SLC10A4: variants seen among roughly 807,000 people sequenced by gnomAD.
SLC10A4 encodes putative sodium/bile acid cotransporter 4.
In SLC10A4, 17 loss-of-function variants were observed where a neutral mutation model predicts 22.5. The observed-to-expected ratio is 0.76, with a 90% CI of 0.52 to 1.14. The LOEUF is 1.14. Among genes scored for constraint, SLC10A4 ranks in the 50% most tolerant of loss-of-function variants. The pLI is 0.00. For synonymous variants in SLC10A4, 257 were observed against 258.2 expected (o/e 1.00, Z 0.04); for missense variants, 548 against 584.0 (o/e 0.94, Z 0.64).
At chr4:48,484,499 A>G (rs1408883069) in intron 1 of SLC10A4, among the ~76,000 whole-genome samples, 1 of 152,112 alleles carries the variant, frequency 6.6e-6, no homozygotes, top group East Asian at 1.9e-4. Flanking sequence ...CTGAACTAGA[A>G]CTCGCCGGCA....
Position 48,483,925 on chromosome 4 carries a change from T to A in SLC10A4, c.364T>A (p.Cys122Ser), listed in dbSNP as rs988517423. Reference sequence around the variant, plus strand: ...GTGCATCACCATGCTGGGCCTGGGCTGCACGGTGGACGTGAACCACTTCGG... The same window carrying A: ...GTGCATCACCATGCTGGGCCTGGGCAGCACGGTGGACGTGAACCACTTCGG... ...ALCITMLGLGCTVDVNHFGAH... is the reference protein window; with the variant it reads ...ALCITMLGLGSTVDVNHFGAH... Residue 122 changes from cysteine (C) to serine (S), a missense_variant, in exon 1 of 3, where the codon TGC becomes AGC. Cys to Ser is a moderately radical substitution (Grantham distance 112). Coordinates refer to ENST00000273861, the MANE Select transcript of SLC10A4 (RefSeq NM_152679.4). The surrounding 1 kb of genome is among the most constrained non-coding windows in gnomAD (Gnocchi z 5.4). 6.5e-6 allele frequency: 10 copies of A among 1,543,382 alleles called. No homozygotes were observed. Among genetic ancestry groups the A allele is most frequent in the African/African-American group, 1.4e-5 (1 of 73,208 alleles).
At chr4:48,485,249 T>C in intron 2 of SLC10A4, 107 bp downstream of exon 2, 1 of 1,129,104 alleles carries the variant, frequency 8.9e-7, no homozygotes, top group Non-Finnish European at 1.3e-6. Context: ...AGAAAAGGAC[T>C]TGGAAGTAGT....
At position 48,488,853 on chromosome 4, in the gene SLC10A4, AAAG is replaced by A. The variant is rs1718336346; in HGVS notation, c.1233_1235del (p.Glu413del). On this transcript the variant is annotated inframe_deletion, in exon 3 of 3. Transcript: ENST00000273861. ...TACAGATATTTCTTATAAAAAACTA[AAAG>A]AAGAGGAAATGGCAGACACTTCCTA... The A allele has an allele frequency of 1.2e-6, 2 of 1,613,776 alleles. No individual in the cohort carries two copies. Among genetic ancestry groups the A allele is most frequent in the African/African-American group, 1.3e-5 (1 of 75,020 alleles).
chr4:48,485,390 T>A (rs1350354076), intron 2 of SLC10A4, among the ~76,000 whole-genome samples: 4 of 152,214 alleles, frequency 2.6e-5, no homozygotes, highest in Non-Finnish European at 5.9e-5. Context: ...TCAGTACTCA[T>A]TGGAAGGAAA....
Position 48,488,992 on chromosome 4 carries a change from T to C in SLC10A4, c.*53T>C. 4.0e-6 allele frequency: 6 copies of C among 1,513,778 alleles called. No individual in the cohort carries two copies. Among genetic ancestry groups the C allele is most frequent in the Non-Finnish European group, 5.3e-6 (6 of 1,131,582 alleles). The allele number at this position is 1,513,778 out of a possible 1,614,324, so 93.8% of individuals were successfully genotyped here. On this transcript the variant is annotated 3_prime_UTR_variant, in exon 3 of 3. Coordinates refer to ENST00000273861, the MANE Select transcript of SLC10A4 (RefSeq NM_152679.4). ...TTGCTGAAATATTGCTTCATATTTA[T>C]AGCCTGTGGTAGTGCACATGGTTAA... is the stretch of plus-strand genomic sequence containing the variant.
Position 48,484,046 on chromosome 4 carries a change from A to C in SLC10A4, c.485A>C (p.Lys162Thr). The change falls in exon 1 of 3, where the codon AAG becomes ACG. Residue 162 changes from lysine (K) to threonine (T), a missense_variant. By Grantham distance (78) the Lys-to-Thr change is moderately conservative (BLOSUM62 -1). This residue lies in a region of SLC10A4 where 314 missense variants were observed against 353.2 expected (regional missense o/e 0.89). Transcript: ENST00000273861. ...GCCTTCCTGCTGGCCCTCGCCTTCA[A>C]GCTGGACGAGGTGGCCGCCGTGGCG... The part of the protein sequence containing the change: ...LLAFLLALAF[K>T]LDEVAAVAVL... 6.2e-7 allele frequency: 1 copy of C among 1,601,988 alleles called. No homozygotes were observed. The highest frequency in any genetic ancestry group is 8.5e-7 in the Non-Finnish European group (1 of 1,177,982).
rs1344830730 is a variant in SLC10A4, at chr4:48,483,471, G to C, written c.-91G>C. The stretch of plus-strand genomic sequence containing the variant: ...GCGCAGCCGGGGCTCGGAGACCGAC[G>C]GGCAGAACGACGGGCGGCGACTGCG... On this transcript the variant is annotated 5_prime_UTR_variant, in exon 1 of 3. Coordinates refer to ENST00000273861, the MANE Select transcript of SLC10A4 (RefSeq NM_152679.4). The surrounding 1 kb of genome is among the most constrained non-coding windows in gnomAD (Gnocchi z 5.4). The C allele has an allele frequency of 1.8e-6, 2 of 1,100,210 alleles. No homozygotes were observed. The highest frequency in any genetic ancestry group is 1.2e-6 in the Non-Finnish European group (1 of 817,636). The allele number at this position is 1,100,210 out of a possible 1,614,324, so 68.2% of individuals were successfully genotyped here.
At chr4:48,486,493 T>C (rs1417850343) in intron 2 of SLC10A4, among the ~76,000 whole-genome samples, 1 of 149,490 alleles carries the variant, frequency 6.7e-6, no homozygotes, top group Admixed American at 6.7e-5. Context: ...ACAAGAAATA[T>C]ATTTAAAATA....
chr4:48,484,036 C>A lies in SLC10A4; in HGVS notation c.475C>A (p.Leu159Ile). The part of the protein sequence containing the change: ...LLPLLAFLLA[L>I]AFKLDEVAAV... ...GCCGCTGCTGGCCTTCCTGCTGGCC[C>A]TCGCCTTCAAGCTGGACGAGGTGGC... Residue 159 changes from leucine to isoleucine, a missense_variant, in exon 1 of 3, where the codon CTC becomes ATC. This residue lies in a region of SLC10A4 where 314 missense variants were observed against 353.2 expected (regional missense o/e 0.89). Coordinates refer to ENST00000273861, the MANE Select transcript of SLC10A4 (RefSeq NM_152679.4). The A allele has an allele frequency of 6.3e-7, 1 of 1,599,884 alleles. No homozygotes were observed. Among genetic ancestry groups the A allele is most frequent in the Non-Finnish European group, 8.5e-7 (1 of 1,177,310 alleles).
chr4:48,484,788 C>G, intron 1 of SLC10A4, 144 bp from the exon 2 acceptor site: 2 of 715,672 alleles, frequency 2.8e-6, no homozygotes, highest in Non-Finnish European at 4.8e-6. Flanking sequence ...TCTTGGCACT[C>G]TCCTCGGATG....
intron 2 of SLC10A4, among the ~76,000 whole-genome samples, chr4:48,485,866 A>T (rs933773692): frequency 8.5e-5 from 13 of 152,178 alleles, no homozygotes; most frequent in South Asian, 2.1e-4. Flanking sequence ...TTGATTTTTT[A>T]AAAAATGAAT....
Position 48,483,816 on chromosome 4 carries a change from C to T in SLC10A4, c.255C>T (p.Phe85=). 6.6e-7 allele frequency: 1 copy of T among 1,526,198 alleles called. No individual in the cohort carries two copies. Among genetic ancestry groups the T allele is most frequent in the Non-Finnish European group, 8.8e-7 (1 of 1,141,432 alleles). The allele number at this position is 1,526,198 out of a possible 1,614,324, so 94.5% of individuals were successfully genotyped here. ...CGGCGAGCCACGGCCCTTCCCCGTT[C>T]CCTCGGCCCTGGGCGCCCCACGCGC... ...GGAASHGPSP[F]PRPWAPHALP... is the part of the protein sequence containing the mutation. Residue 85 remains phenylalanine, a synonymous_variant, in exon 1 of 3, where the codon TTC becomes TTT. Transcript: ENST00000273861. The surrounding 1 kb of genome is among the most constrained non-coding windows in gnomAD (Gnocchi z 5.4).
In SLC10A4 at chr4:48,484,002, C is replaced by A. The variant is rs1490294489; in HGVS notation, c.441C>A (p.Phe147Leu). ...CGCTGCTGGCAGCGCTCTGCCAGTT[C>A]GGCCTCCTGCCGCTGCTGGCCTTCC... Reference protein sequence around the residue: ...VGALLAALCQFGLLPLLAFLL... With the variant: ...VGALLAALCQLGLLPLLAFLL... The change falls in exon 1 of 3, where the codon TTC becomes TTA. Residue 147 changes from phenylalanine (F) to leucine (L), a missense_variant. Coordinates refer to ENST00000273861, the MANE Select transcript of SLC10A4 (RefSeq NM_152679.4). 6.3e-7 allele frequency: 1 copy of A among 1,578,762 alleles called. No individual in the cohort carries two copies. Among genetic ancestry groups the A allele is most frequent in the African/African-American group, 1.3e-5 (1 of 74,736 alleles).
intron 2 of SLC10A4, among the ~76,000 whole-genome samples, chr4:48,487,129 T>C (rs1292319146): frequency 6.6e-6 from 1 of 152,226 alleles, no homozygotes; most frequent in Non-Finnish European, 1.5e-5. Context: ...CAGACTGTTT[T>C]ATTTGAATGA....
chr4:48,483,466 C>A lies in SLC10A4; in HGVS notation c.-96C>A, dbSNP rs2148671644. The A allele has an allele frequency of 9.4e-7, 1 of 1,065,426 alleles. No individual in the cohort carries two copies. The highest frequency in any genetic ancestry group is 1.3e-6 in the Non-Finnish European group (1 of 790,052). The allele number at this position is 1,065,426 out of a possible 1,614,324, so 66.0% of individuals were successfully genotyped here. A position where few individuals can be genotyped will look rare whatever the true frequency, so the allele number is the denominator to read the frequency against. Reference sequence around the variant, plus strand: ...GCGGCGCGCAGCCGGGGCTCGGAGACCGACGGGCAGAACGACGGGCGGCGA... The same window carrying A: ...GCGGCGCGCAGCCGGGGCTCGGAGAACGACGGGCAGAACGACGGGCGGCGA... On this transcript the variant is annotated 5_prime_UTR_variant, in exon 1 of 3. Coordinates refer to ENST00000273861, the MANE Select transcript of SLC10A4 (RefSeq NM_152679.4). The surrounding 1 kb of genome is among the most constrained non-coding windows in gnomAD (Gnocchi z 5.4).
chr4:48,485,105 G>C lies in SLC10A4; in HGVS notation c.764G>C (p.Arg255Pro), dbSNP rs767422159. The C allele has an allele frequency of 6.2e-7, 1 of 1,614,068 alleles. No homozygotes were observed. Residue 255 changes from arginine (R) to proline (P), a missense_variant, in exon 2 of 3, where the codon CGC becomes CCC. Physicochemically the swap from Arg to Pro is moderately radical, Grantham distance 103. This residue lies in a region of SLC10A4 where 314 missense variants were observed against 353.2 expected (regional missense o/e 0.89). Coordinates refer to ENST00000273861, the MANE Select transcript of SLC10A4 (RefSeq NM_152679.4). ...LIPIGLGVFI[R>P]YKYSRVADYI... ...CCTATCGGGTTGGGCGTCTTCATTC[G>C]CTACAAATACAGCCGGGTGGCTGAC...
At position 48,483,832 on chromosome 4, in the gene SLC10A4, C is replaced by G; in HGVS notation, c.271C>G (p.Pro91Ala). 1.3e-6 allele frequency: 2 copies of G among 1,534,674 alleles called. No homozygotes were observed. Among genetic ancestry groups the G allele is most frequent in the Non-Finnish European group, 1.7e-6 (2 of 1,143,930 alleles). The change falls in exon 1 of 3, where the codon CCC becomes GCC. Residue 91 changes from proline to alanine, a missense_variant. This residue lies in a region of SLC10A4 where 225 missense variants were observed against 206.9 expected (regional missense o/e 1.09). Coordinates refer to ENST00000273861, the MANE Select transcript of SLC10A4 (RefSeq NM_152679.4). This position sits in a 1 kb window ranked among gnomAD's most constrained non-coding sequence, Gnocchi z 5.4. ...GPSPFPRPWA[P>A]HALPFWDTPL... ...TTCCCCGTTCCCTCGGCCCTGGGCG[C>G]CCCACGCGCTCCCGTTCTGGGACAC...
In SLC10A4 at chr4:48,484,935, C is replaced by T. The variant is rs1560480182; in HGVS notation, c.594C>T (p.Ile198=). The change falls in exon 2 of 3, where the codon ATC becomes ATT. Residue 198 remains isoleucine, a synonymous_variant. Coordinates refer to ENST00000273861, the MANE Select transcript of SLC10A4 (RefSeq NM_152679.4). ...LLVDGDMNLS[I]IMTISSTLLA... is the part of the protein sequence containing the mutation. ...CTGCACATTCCCTTTTCTGCAGCAT[C>T]ATCATGACCATCTCCTCCACGCTTC... 6.2e-7 allele frequency: 1 copy of T among 1,612,636 alleles called. No individual in the cohort carries two copies. The highest frequency in any genetic ancestry group is 2.2e-5 in the East Asian group (1 of 44,858).
At chr4:48,484,538 C>T (rs1434228484) in intron 1 of SLC10A4, among the ~76,000 whole-genome samples, 1 of 152,224 alleles carries the variant, frequency 6.6e-6, no homozygotes, top group East Asian at 1.9e-4. Flanking sequence ...GCTACTGGCC[C>T]GTCAGAGAAA....
Sources: gnomAD v4.1 joint callset for allele counts (sites outside exome capture counted in the v4.1 genomes callset) on GRCh38, gnomAD v4.1.1 for gene constraint, gnomAD v4.1.1 regional missense constraint, Gnocchi (gnomAD v3.1) non-coding constraint, MANE v1.5 for transcripts, NCBI Gene and HGNC (gene_info 2026-07-23, HGNC 2026-07-21) for gene names.